Variants in EXOC6B observed in about 807,000 individuals in gnomAD.
EXOC6B encodes SEC15 homolog B.
EXOC6B carries 54 observed loss-of-function variants against 113.5 expected under a neutral mutation model. That is an observed-to-expected ratio of 0.48 (90% CI 0.38 to 0.60). The LOEUF (loss-of-function observed/expected upper bound fraction) is 0.60, where lower values mean the gene tolerates loss of function less well. Ranked by LOEUF, EXOC6B falls within the 20% of genes least tolerant of loss-of-function variation. The pLI is 0.00. For missense variants in EXOC6B, 797 were observed against 977.5 expected (o/e 0.82, Z 2.46); for synonymous variants, 357 against 339.0 (o/e 1.05, Z -0.58).
At chr2:72,471,294 G>A (rs555357358) in intron 17 of EXOC6B, among the ~76,000 whole-genome samples, 27 of 151,562 alleles carry the variant, frequency 1.8e-4, no homozygotes, top group African/African-American at 5.4e-4. Flanking sequence ...CATGTCCTTC[G>A]CCCACTTTTT....
intron 1 of EXOC6B, among the ~76,000 whole-genome samples, chr2:72,750,129 C>CA (rs1681948734): frequency 1.3e-5 from 2 of 151,722 alleles, no homozygotes; most frequent in South Asian, 4.2e-4. Context: ...CTAACAACAC[C>CA]ACATTCAACT....
At chr2:72,253,242 T>C (rs1164742467) in intron 20 of EXOC6B, among the ~76,000 whole-genome samples, 1 of 152,196 alleles carries the variant, frequency 6.6e-6, no homozygotes, top group East Asian at 1.9e-4. Flanking sequence ...TATACACTGC[T>C]GGTGGGAATG....
intron 18 of EXOC6B, among the ~76,000 whole-genome samples, chr2:72,381,712 C>A (rs550902437): frequency 6.6e-6 from 1 of 152,198 alleles, no homozygotes; most frequent in South Asian, 2.1e-4. Context: ...AAACTAGACT[C>A]CCAAATATCC....
intron 1 of EXOC6B, among the ~76,000 whole-genome samples, chr2:72,764,655 C>T (rs963065754): frequency 6.6e-6 from 1 of 152,032 alleles, no homozygotes; most frequent in African/African-American, 2.4e-5. Flanking sequence ...CATGAGCCAC[C>T]GTGCCTGACC....
intron 20 of EXOC6B, among the ~76,000 whole-genome samples, chr2:72,327,000 A>G (rs1402994075): frequency 1.3e-5 from 2 of 151,980 alleles, no homozygotes; most frequent in Non-Finnish European, 2.9e-5. Context: ...ATGGGGAAAT[A>G]TGTCAAAAGC....
chr2:72,449,100 A>G (rs1696758849), intron 18 of EXOC6B, among the ~76,000 whole-genome samples: 1 of 152,236 alleles, frequency 6.6e-6, no homozygotes, highest in Non-Finnish European at 1.5e-5. Context: ...CTCCAGCCAG[A>G]GCAATAAGCT....
intron 18 of EXOC6B, among the ~76,000 whole-genome samples, chr2:72,442,928 C>T (rs1696298030): frequency 1.3e-5 from 2 of 152,116 alleles, no homozygotes; most frequent in Non-Finnish European, 2.9e-5. Context: ...CCTGAATAGC[C>T]AAGGCAATCC....
chr2:72,399,743 A>C (rs1468688438), intron 18 of EXOC6B, among the ~76,000 whole-genome samples: 3 of 152,172 alleles, frequency 2.0e-5, no homozygotes, highest in Admixed American at 2.0e-4. Flanking sequence ...AGTTGGTAAA[A>C]GATTGCTACA....
rs1158281109 is a variant in EXOC6B at position 72,178,034 on chromosome 2, T to A, written c.*1301A>T. The A allele has an allele frequency of 1.3e-5, 2 of 152,304 alleles. No individual in the cohort carries two copies. The highest frequency in any genetic ancestry group is 3.9e-4 in the East Asian group (2 of 5,176). The allele number at this position is 152,304 out of a possible 1,614,324, so 9.4% of individuals were successfully genotyped here. A position where few individuals can be genotyped will look rare whatever the true frequency, so the allele number is the denominator to read the frequency against. On this transcript the variant is annotated 3_prime_UTR_variant, in exon 22 of 22. Coordinates refer to ENST00000272427, the MANE Select transcript of EXOC6B (RefSeq NM_015189.3). The stretch of plus-strand genomic sequence containing the variant: ...CTCCACGCTAAGCTGCTCCAGGCTT[T>A]AGAGTTTGGAGGACAGGATTATAGG...
chr2:72,708,896 A>AC (rs1679068364), intron 6 of EXOC6B, among the ~76,000 whole-genome samples: 2 of 69,790 alleles, frequency 2.9e-5, no homozygotes, highest in Non-Finnish European at 5.0e-5. Context: ...CATCCAGCTA[A>AC]TTTTTTTTTT....
intron 6 of EXOC6B, among the ~76,000 whole-genome samples, chr2:72,653,970 A>ATTTTT (rs58589218): frequency 7.3e-6 from 1 of 136,438 alleles, no homozygotes; most frequent in African/African-American, 2.7e-5. Context: ...AATTTTATTT[A>ATTTTT]TTTTTTTTTT....
intron 20 of EXOC6B, among the ~76,000 whole-genome samples, chr2:72,256,639 T>C (rs1369827678): frequency 6.6e-6 from 1 of 152,184 alleles, no homozygotes; most frequent in African/African-American, 2.4e-5. Flanking sequence ...TGAATCGTGT[T>C]GGAGACTTAC....
chr2:72,667,833 T>A (rs528329749), intron 6 of EXOC6B, among the ~76,000 whole-genome samples: 32 of 152,248 alleles, frequency 2.1e-4, no homozygotes, highest in Admixed American at 2.0e-3. Context: ...TATGGCTAAG[T>A]CCTCAAAAGC....
At chr2:72,763,668 C>T (rs1371717837) in intron 1 of EXOC6B, among the ~76,000 whole-genome samples, 1 of 152,130 alleles carries the variant, frequency 6.6e-6, no homozygotes, top group Non-Finnish European at 1.5e-5. Context: ...AACAATCTGC[C>T]CTGCCTCAGC....
chr2:72,570,074 G>C (rs1704427229), intron 7 of EXOC6B, among the ~76,000 whole-genome samples: 1 of 152,048 alleles, frequency 6.6e-6, no homozygotes. Context: ...TGGAGACTGG[G>C]CCTTTAAAGA....
At chr2:72,490,570 T>C (rs1699685153) in intron 16 of EXOC6B, among the ~76,000 whole-genome samples, 1 of 152,192 alleles carries the variant, frequency 6.6e-6, no homozygotes, top group Non-Finnish European at 1.5e-5. Flanking sequence ...TGTCTATACA[T>C]GTACACACCA....
chr2:72,762,920 C>T (rs1682828391), intron 1 of EXOC6B, among the ~76,000 whole-genome samples: 3 of 151,924 alleles, frequency 2.0e-5, no homozygotes, highest in Admixed American at 2.0e-4. Context: ...TGAAAATACA[C>T]TGTTTTAAGG....
At chr2:72,722,720 C>T (rs1176928943) in intron 5 of EXOC6B, among the ~76,000 whole-genome samples, 3 of 152,204 alleles carry the variant, frequency 2.0e-5, no homozygotes, top group African/African-American at 7.2e-5. Flanking sequence ...AATGCAATTC[C>T]TCTAGAGAGA....
In EXOC6B at chr2:72,177,303, A is replaced by G. The variant is rs1677789744; in HGVS notation, c.*2032T>C. 5 of 152,244 alleles carry G rather than the reference A, an allele frequency of 3.3e-5. No homozygotes were observed. The South Asian group carries it at 1.0e-3, about 32-fold the overall frequency. 9.4% of individuals were successfully genotyped at this position (152,244 alleles called of 1,614,324 possible). On this transcript the variant is annotated 3_prime_UTR_variant, in exon 22 of 22. Transcript: ENST00000272427. ...CCTCTAAAAAGACAAACACTGTGCC[A>G]TGCTTACACATCTCTCCATTTCCAC...
Sources: allele counts gnomAD v4.1 joint callset (sites outside exome capture counted in the v4.1 genomes callset), GRCh38; gene constraint gnomAD v4.1.1; transcripts MANE v1.5; gene names NCBI Gene and HGNC (gene_info 2026-07-23, HGNC 2026-07-21).